Variants in IFT46 observed in about 807,000 individuals in gnomAD.
The protein encoded by IFT46 is intraflagellar transport protein 46 homolog.
IFT46 carries 19 observed loss-of-function variants against 39.6 expected under a neutral mutation model. That is an observed-to-expected ratio of 0.48 (90% CI 0.33 to 0.70). The LOEUF (loss-of-function observed/expected upper bound fraction) is 0.70. Ranked by LOEUF, IFT46 falls within the 30% of genes least tolerant of loss-of-function variation. The pLI is 0.01. For missense variants in IFT46, 334 were observed against 364.8 expected (o/e 0.92, Z 0.69); for synonymous variants, 117 against 134.8 (o/e 0.87, Z 0.91).
At chr11:118,549,627 C>T (rs1263417028) in intron 9 of IFT46, among the ~76,000 whole-genome samples, 49 of 150,652 alleles carry the variant, frequency 3.3e-4, no homozygotes, top group African/African-American at 7.3e-5. Context: ...CAGGTTCAAG[C>T]GATTCTCCTG....
intron 9 of IFT46, among the ~76,000 whole-genome samples, chr11:118,549,053 C>T (rs1489984834): frequency 2.0e-5 from 3 of 151,986 alleles, no homozygotes; most frequent in East Asian, 1.9e-4. Context: ...CCTGCCACAA[C>T]ACCCAGCTAT....
At chr11:118,563,064 CAA>C (rs797043654) in intron 2 of IFT46, among the ~76,000 whole-genome samples, 7 of 110,640 alleles carry the variant, frequency 6.3e-5, no homozygotes, top group Admixed American at 9.6e-5. Flanking sequence ...AATTCAGTCT[CAA>C]AAAAAAAAAA....
chr11:118,550,649 G>A (rs1024842931), intron 9 of IFT46, among the ~76,000 whole-genome samples: 1 of 152,102 alleles, frequency 6.6e-6, no homozygotes, highest in Non-Finnish European at 1.5e-5. Context: ...ATTCACATAT[G>A]TATACAGTTG....
chr11:118,553,912 A>G (rs747427625), intron 7 of IFT46, among the ~76,000 whole-genome samples: 89 of 152,200 alleles, frequency 5.8e-4, no homozygotes, highest in Non-Finnish European at 1.1e-3. Context: ...TAAATTAGGT[A>G]GTGGTGATGG....
upstream of IFT46, among the ~76,000 whole-genome samples, chr11:118,570,926 G>A (rs1938323661): frequency 3.3e-5 from 5 of 151,432 alleles, no homozygotes; most frequent in South Asian, 1.0e-3. Context: ...TTTTTTTTAA[G>A]AGTCTAAGTC....
chr11:118,566,560 GC>G (rs1327901232), upstream of IFT46, among the ~76,000 whole-genome samples: 1 of 152,186 alleles, frequency 6.6e-6, no homozygotes. Context: ...GGGCGTGGTG[GC>G]GGACGCCTGT....
At chr11:118,570,368 A>G (rs533740470), upstream of IFT46, among the ~76,000 whole-genome samples, 4 of 152,064 alleles carry the variant, frequency 2.6e-5, no homozygotes, top group African/African-American at 9.6e-5. Context: ...CCAGGAGAAA[A>G]CTGACTTTGA....
exon 1 of IFT46, chr11:118,572,850 C>CGTG (rs1469866625): frequency 7.4e-6 from 3 of 405,378 alleles, no homozygotes; most frequent in Non-Finnish European, 1.3e-5. Context: ...GCGAGAACTT[C>CGTG]GTGGTGGTGG....
intron 3 of IFT46, chr11:118,557,354 C>G (rs1241127835): frequency 2.6e-6 from 1 of 389,756 alleles, no homozygotes; most frequent in Non-Finnish European, 4.5e-6. Flanking sequence ...AGCTTCGGCC[C>G]GAAAAGCTAT....
chr11:118,557,704 A>G, intron 3 of IFT46: 1 of 1,611,694 alleles, frequency 6.2e-7, no homozygotes, highest in Non-Finnish European at 8.5e-7. Flanking sequence ...CTCTCAAGAT[A>G]AACAGCTCTT....
rs2135515565 is a variant in IFT46 at position 118,565,930 on chromosome 11, A to G, written c.-273T>C. On this transcript the variant is annotated 5_prime_UTR_variant, in exon 1 of 12. Transcript: ENST00000264021. Reference sequence around the variant, plus strand: ...CTGTTGTCAGTCGCTAGGCAAAAAGATAAATTTTAAAATTCGCGAGAGTTG... The same window carrying G: ...CTGTTGTCAGTCGCTAGGCAAAAAGGTAAATTTTAAAATTCGCGAGAGTTG... 1 of 152,584 alleles carries G rather than the reference A, an allele frequency of 6.6e-6. No homozygotes were observed. Among genetic ancestry groups the G allele is most frequent in the South Asian group, 2.1e-4 (1 of 4,826 alleles). The allele number at this position is 152,584 out of a possible 1,614,324, so 9.5% of individuals were successfully genotyped here. A position where few individuals can be genotyped will look rare whatever the true frequency, so the allele number is the denominator to read the frequency against.
At position 118,549,951 on chromosome 11, in the gene IFT46, T is replaced by C. The variant is rs1591361412; in HGVS notation, c.672+1835A>G. Among the ~76,000 whole-genome samples, 3 of 142,862 alleles carry C rather than the reference T, an allele frequency of 2.1e-5. No homozygotes were observed. In the Admixed American group the frequency reaches 2.2e-4, roughly 10 times the overall value. The allele number at this position is 142,862 out of a possible 152,430, so 93.7% of individuals were successfully genotyped here. A position where few individuals can be genotyped will look rare whatever the true frequency, so the allele number is the denominator to read the frequency against. On this transcript the variant is annotated intron_variant, in intron 9 of 11. Transcript: ENST00000264021. ...TTTTTTTTTTTTTTTTGAGATGGAG[T>C]CTCGCTCTATTACCCAGGCTGGAGT...
intron 9 of IFT46, among the ~76,000 whole-genome samples, chr11:118,551,046 A>AT (rs1207951305): frequency 6.8e-6 from 1 of 148,042 alleles, no homozygotes; most frequent in Non-Finnish European, 1.5e-5. Flanking sequence ...AAAAAAAAAA[A>AT]CTATCTTTCT....
chr11:118,565,388 C>A lies in IFT46; in HGVS notation c.-132-327G>T, dbSNP rs559858068. ...AGAACACTATTTGTATGTAGATGGC[C>A]AAGGCTGTTGAGGTTTCTCAGGGAA... On this transcript the variant is annotated intron_variant, in intron 1 of 11. Transcript: ENST00000264021. 4.0e-5 allele frequency among the ~76,000 whole-genome samples: 6 copies of A among 150,036 alleles called. No individual in the cohort carries two copies. The South Asian group carries it at 1.3e-3, about 32-fold the overall frequency.
chr11:118,561,083 G>A, intron 2 of IFT46: 1 of 1,526,278 alleles, frequency 6.6e-7, no homozygotes. Context: ...ATACAATGTG[G>A]AAAGCATTGA....
intron 2 of IFT46, chr11:118,561,212 A>G: frequency 7.2e-7 from 1 of 1,379,414 alleles, no homozygotes; most frequent in Non-Finnish European, 1.0e-6. Context: ...TGTCCCTCAC[A>G]GTACCAAACG....
chr11:118,573,293 G>A (rs890108248), upstream of IFT46, among the ~76,000 whole-genome samples: 1 of 152,208 alleles, frequency 6.6e-6, no homozygotes, highest in Admixed American at 6.5e-5. Context: ...AAATGTGTAT[G>A]TGGCATGTCG....
Position 118,555,415 on chromosome 11 carries a change from T to C in IFT46, c.186-93A>G. 1.3e-5 allele frequency: 12 copies of C among 919,778 alleles called. 1 individual carries two copies. In the South Asian group the frequency reaches 1.7e-4, roughly 13 times the overall value. The allele number at this position is 919,778 out of a possible 1,614,324, so 57.0% of individuals were successfully genotyped here. On this transcript the variant is annotated intron_variant, in intron 4 of 11. Transcript: ENST00000264021. ...TGGTGTGTTACTGACTATAGGGACATGATCCTGAAGCTAGCTTCTGCCTCT... is the reference window on the plus strand; with the variant it reads ...TGGTGTGTTACTGACTATAGGGACACGATCCTGAAGCTAGCTTCTGCCTCT...
rs551725553 is a variant in IFT46, at chr11:118,545,790, C to T, written c.733+3G>A. The T allele has an allele frequency of 6.2e-7, 1 of 1,614,004 alleles. No homozygotes were observed. The highest frequency in any genetic ancestry group is 1.1e-5 in the South Asian group (1 of 91,076). ...GGGACGAGGAAAGGAAAGAGGAACT[C>T]ACCACAGATCATGTCAATGTACTCT... is the stretch of plus-strand genomic sequence containing the variant. On this transcript the variant is annotated splice_donor_region_variant and intron_variant, in intron 10 of 11. Transcript: ENST00000264021.
Sources: gnomAD v4.1 joint callset for allele counts (sites outside exome capture counted in the v4.1 genomes callset) on GRCh38, gnomAD v4.1.1 for gene constraint, MANE v1.5 for transcripts, NCBI Gene and HGNC (gene_info 2026-07-23, HGNC 2026-07-21) for gene names.